The following CCDC3 variants were observed in gnomAD, a reference collection of about 807,000 sequenced individuals.
The protein encoded by CCDC3 is coiled-coil domain containing 3, also known as coiled-coil domain-containing protein 3.
CCDC3 carries 24 observed loss-of-function variants against 21.4 expected under a neutral mutation model. The ratio of observed to expected loss-of-function variants is 1.12; its 90% CI spans 0.81 to 1.58. The LOEUF (loss-of-function observed/expected upper bound fraction) is 1.58, where lower values mean the gene tolerates loss of function less well. Ranked by LOEUF, CCDC3 falls within the 40% of genes most tolerant of loss-of-function variation. The pLI, the probability that CCDC3 is intolerant of heterozygous loss-of-function variation, is 0.00. For missense variants in CCDC3, 425 were observed against 360.9 expected (o/e 1.18, Z -1.44); for synonymous variants, 186 against 166.0 (o/e 1.12, Z -0.93).
At chr10:13,067,944 G>T (rs1011727010) in intron 4 of CCDC3, among the ~76,000 whole-genome samples, 2 of 152,024 alleles carry the variant, frequency 1.3e-5, no homozygotes, top group African/African-American at 4.8e-5. Flanking sequence ...TTGTTTTCTT[G>T]GATCTCTTTG....
At chr10:12,957,334 C>A (rs939198986) in intron 2 of CCDC3, among the ~76,000 whole-genome samples, 2 of 152,234 alleles carry the variant, frequency 1.3e-5, no homozygotes, top group Non-Finnish European at 2.9e-5. Context: ...CTCTCTCCTG[C>A]ACTGCAGTAA....
chr10:12,928,444 C>CA (rs1834581705), intron 2 of CCDC3, among the ~76,000 whole-genome samples: 1 of 152,178 alleles, frequency 6.6e-6, no homozygotes, highest in African/African-American at 2.4e-5. Flanking sequence ...TTAACATCCT[C>CA]AATAGGCTAC....
chr10:12,950,139 C>G (rs569969437), intron 2 of CCDC3, among the ~76,000 whole-genome samples: 1 of 152,204 alleles, frequency 6.6e-6, no homozygotes, highest in African/African-American at 2.4e-5. Context: ...CTTGTAAAAG[C>G]TTTCCTTGCC....
chr10:13,031,525 A>G (rs188816061), intron 5 of CCDC3, among the ~76,000 whole-genome samples: 6 of 152,324 alleles, frequency 3.9e-5, no homozygotes, highest in Admixed American at 3.9e-4. Flanking sequence ...TAGAGACACA[A>G]AAAAACCTTC....
upstream of CCDC3, chr10:13,001,725 G>T: frequency 2.5e-6 from 1 of 399,496 alleles, no homozygotes; most frequent in Non-Finnish European, 3.5e-6. Context: ...CCCGGCCCTG[G>T]CGCGCCACGC....
chr10:12,967,824 T>A (rs980416781), intron 2 of CCDC3, among the ~76,000 whole-genome samples: 1 of 152,078 alleles, frequency 6.6e-6, no homozygotes, highest in South Asian at 2.1e-4. Flanking sequence ...AGTTCTCTAA[T>A]CAGATTCAAT....
intron 5 of CCDC3, among the ~76,000 whole-genome samples, chr10:13,034,575 CAA>C (rs1032385782): frequency 3.4e-5 from 5 of 147,326 alleles, no homozygotes; most frequent in Non-Finnish European, 6.0e-5. Context: ...GGAAATAAAC[CAA>C]AGTCATAGCA....
chr10:12,910,369 C>T lies in CCDC3; in HGVS notation c.550-11690G>A, dbSNP rs563235018. Among the ~76,000 whole-genome samples the T allele has an allele frequency of 3.9e-5, 6 of 152,224 alleles. No homozygotes were observed. The South Asian group carries it at 1.2e-3, about 32-fold the overall frequency. ...GGTGTGCCTTAAAGCCATTCAATGTCGAATGCAGTTGCTGCTACATATTGC... is the reference window on the plus strand; with the variant it reads ...GGTGTGCCTTAAAGCCATTCAATGTTGAATGCAGTTGCTGCTACATATTGC... On this transcript the variant is annotated intron_variant, in intron 2 of 2. Coordinates refer to ENST00000378825, the MANE Select transcript of CCDC3 (RefSeq NM_031455.4).
chr10:12,947,139 C>T (rs1431584292), intron 2 of CCDC3, among the ~76,000 whole-genome samples: 2 of 150,852 alleles, frequency 1.3e-5, no homozygotes, highest in African/African-American at 4.9e-5. Flanking sequence ...TCATCTTTTG[C>T]TCACTTTTTT....
At chr10:12,975,538 C>G (rs1207142621) in intron 2 of CCDC3, among the ~76,000 whole-genome samples, 1 of 152,178 alleles carries the variant, frequency 6.6e-6, no homozygotes, top group African/African-American at 2.4e-5. Context: ...GCTGAACCAC[C>G]CCTGCTCCGG....
At chr10:12,951,804 CAAAAAAAAA>C in intron 2 of CCDC3, among the ~76,000 whole-genome samples, 1 of 60,492 alleles carries the variant, frequency 1.7e-5, no homozygotes, top group East Asian at 6.1e-4. Flanking sequence ...GACTTCATCT[CAAAAAAAAA>C]AAAAAAAAAA....
At chr10:12,963,546 T>TC (rs1291336671) in intron 2 of CCDC3, among the ~76,000 whole-genome samples, 2 of 151,662 alleles carry the variant, frequency 1.3e-5, no homozygotes, top group African/African-American at 2.4e-5. Context: ...ATTCCTGCCT[T>TC]CCTTCCTATT....
intron 2 of CCDC3, among the ~76,000 whole-genome samples, chr10:12,984,600 C>G (rs934424979): frequency 2.6e-5 from 4 of 152,144 alleles, no homozygotes; most frequent in Admixed American, 6.6e-5. Context: ...GTACAAAAAC[C>G]TGTTCATAGC....
intron 4 of CCDC3, among the ~76,000 whole-genome samples, chr10:13,052,794 G>A (rs1245304148): frequency 4.6e-5 from 7 of 151,966 alleles, no homozygotes; most frequent in Admixed American, 2.6e-4. Context: ...ACAAAAATTC[G>A]CCAGATGTGG....
chr10:13,001,987 G>C (rs1564316357), upstream of CCDC3, among the ~76,000 whole-genome samples: 1 of 152,240 alleles, frequency 6.6e-6, no homozygotes, highest in Non-Finnish European at 1.5e-5. Context: ...GTTTGCAAAC[G>C]CAAGGCATTC....
At chr10:13,046,718 AAAAAGAAG>A (rs1564331736) in intron 5 of CCDC3, among the ~76,000 whole-genome samples, 3 of 151,776 alleles carry the variant, frequency 2.0e-5, no homozygotes, top group South Asian at 2.1e-4. Flanking sequence ...AAAAAAAAAA[AAAAAGAAG>A]AAGAAGAAGA....
At chr10:12,916,238 C>A (rs1453697904) in intron 2 of CCDC3, among the ~76,000 whole-genome samples, 1 of 152,106 alleles carries the variant, frequency 6.6e-6, no homozygotes, top group Non-Finnish European at 1.5e-5. Flanking sequence ...TTGAGACCAG[C>A]CTGGCCAACA....
chr10:13,001,078 G>A, intron 1 of CCDC3, 119 bp downstream of exon 1: 1 of 1,298,254 alleles, frequency 7.7e-7, no homozygotes, highest in South Asian at 1.5e-5. Context: ...CGCCCCAGGG[G>A]CATTCTCACT....
At position 12,998,421 on chromosome 10, in the gene CCDC3, T is replaced by C; in HGVS notation, c.466A>G (p.Ser156Gly). Residue 156 changes from serine to glycine, a missense_variant, in exon 2 of 3, where the codon AGC (serine) becomes GGC (glycine). Physicochemically the swap from Ser to Gly is moderately conservative, Grantham distance 56. Coordinates refer to ENST00000378825, the MANE Select transcript of CCDC3 (RefSeq NM_031455.4). Reference protein sequence around the residue: ...DTQENRRMFSSLFQFSNCSQG... With the variant: ...DTQENRRMFSGLFQFSNCSQG... ...GAACAGTTTGAAAACTGGAAAAGGC[T>C]AGAAAACATCCTTCTGTTCTCTTGA... 3.1e-6 allele frequency: 5 copies of C among 1,614,218 alleles called. No individual in the cohort carries two copies. Among genetic ancestry groups the C allele is most frequent in the Non-Finnish European group, 4.2e-6 (5 of 1,180,044 alleles).
Sources: allele counts gnomAD v4.1 joint callset (sites outside exome capture counted in the v4.1 genomes callset), GRCh38; gene constraint gnomAD v4.1.1; transcripts MANE v1.5; gene names NCBI Gene and HGNC (gene_info 2026-07-23, HGNC 2026-07-21).